NRG2: variants seen among roughly 807,000 people sequenced by gnomAD.
NRG2 encodes the protein pro-neuregulin-2, membrane-bound isoform.
Under a neutral mutation model 73.9 loss-of-function variants are expected in NRG2, and 27 were observed. The ratio of observed to expected loss-of-function variants is 0.37; its 90% CI spans 0.27 to 0.50. The LOEUF (loss-of-function observed/expected upper bound fraction) is 0.50. Ranked by LOEUF, NRG2 falls within the 20% of genes least tolerant of loss-of-function variation. The pLI is 0.96. For synonymous variants in NRG2, 532 were observed against 541.0 expected (o/e 0.98, Z 0.23); for missense variants, 1,126 against 1,210.1 (o/e 0.93, Z 1.03).
In NRG2 at chr5:139,980,540, C is replaced by A. The variant is rs77458747; in HGVS notation, c.700+61830G>T. 1.5e-3 allele frequency among the ~76,000 whole-genome samples: 223 copies of A among 152,262 alleles called. 1 individual carries two copies. In the East Asian group the frequency reaches 0.032, roughly 22 times the overall value. ...AAGACAGACACACCATCCTCATGCC[C>A]ACCATTCCCCTGGCAGATATCCTTG... On this transcript the variant is annotated intron_variant, in intron 1 of 9. Coordinates refer to ENST00000361474, the MANE Select transcript of NRG2 (RefSeq NM_004883.3).
chr5:139,976,058 A>G (rs899133632), intron 1 of NRG2, among the ~76,000 whole-genome samples: 2 of 152,170 alleles, frequency 1.3e-5, no homozygotes, highest in African/African-American at 4.8e-5. Context: ...TCCTTATGTT[A>G]TAGATGTTGA....
chr5:139,989,970 A>T (rs1757472831), intron 1 of NRG2, among the ~76,000 whole-genome samples: 2 of 151,002 alleles, frequency 1.3e-5, no homozygotes, highest in African/African-American at 4.9e-5. Flanking sequence ...TTGTATTTTT[A>T]GTAGAGACGG....
chr5:139,958,726 G>A (rs953463881), intron 1 of NRG2, among the ~76,000 whole-genome samples: 6 of 152,154 alleles, frequency 3.9e-5, no homozygotes, highest in African/African-American at 1.4e-4. Context: ...AATGGCCGGC[G>A]ACCTTGCTTA....
At chr5:139,958,544 G>C (rs1754810716) in intron 1 of NRG2, among the ~76,000 whole-genome samples, 1 of 152,088 alleles carries the variant, frequency 6.6e-6, no homozygotes, top group Non-Finnish European at 1.5e-5. Context: ...GATATTTTTT[G>C]TGGGTGTTTG....
In NRG2 at chr5:139,852,338, T is replaced by G. The variant is rs1581766706; in HGVS notation, c.1544+94A>C. On this transcript the variant is annotated intron_variant, in intron 8 of 9. Transcript: ENST00000361474. This position sits in a 1 kb window ranked among gnomAD's most constrained non-coding sequence, Gnocchi z 4.4. ...TTCCTGTGGCAAGCTCAGGGGAGGG[T>G]ATTGAATAGCTCTGGATGTCGGAGT... 1.4e-6 allele frequency: 2 copies of G among 1,474,692 alleles called. No homozygotes were observed. Among genetic ancestry groups the G allele is most frequent in the East Asian group, 2.3e-5 (1 of 43,130 alleles). The allele number at this position is 1,474,692 out of a possible 1,614,324, so 91.4% of individuals were successfully genotyped here.
Position 140,042,846 on chromosome 5 carries a change from C to A in NRG2, c.224G>T (p.Ser75Ile). The change falls in exon 1 of 10, where the codon AGC becomes ATC. Residue 75 changes from serine to isoleucine, a missense_variant. Ser to Ile is a moderately radical substitution (Grantham distance 142, BLOSUM62 -2). Around this residue, in one of 3 missense-constraint regions of NRG2, gnomAD observed 185 missense variants for 149.0 expected, o/e 1.24. Transcript: ENST00000361474. ...PRPQQQPQPR[S>I]PAARRAAARS... is the part of the protein sequence containing the mutation. ...GGCGGCGGCTCTCCGGGCTGCGGGGCTGCGGGGCTGCGGCTGTTGCTGCGG... is the reference window on the plus strand; with the variant it reads ...GGCGGCGGCTCTCCGGGCTGCGGGGATGCGGGGCTGCGGCTGTTGCTGCGG... 6.7e-7 allele frequency: 1 copy of A among 1,493,506 alleles called. No individual in the cohort carries two copies. Among genetic ancestry groups the A allele is most frequent in the South Asian group, 1.3e-5 (1 of 77,960 alleles). The allele number at this position is 1,493,506 out of a possible 1,614,324, so 92.5% of individuals were successfully genotyped here.
intron 1 of NRG2, among the ~76,000 whole-genome samples, chr5:139,960,598 A>G (rs1754986247): frequency 6.6e-6 from 1 of 152,232 alleles, no homozygotes; most frequent in Non-Finnish European, 1.5e-5. Context: ...TATGACCTGA[A>G]AGTTATTTAA....
intron 1 of NRG2, among the ~76,000 whole-genome samples, chr5:140,032,527 T>A (rs1301125062): frequency 6.6e-6 from 1 of 152,188 alleles, no homozygotes; most frequent in Non-Finnish European, 1.5e-5. Context: ...ATTTGATGAA[T>A]CTTGAAATGT....
intron 1 of NRG2, among the ~76,000 whole-genome samples, chr5:139,893,180 A>T (rs562113541): frequency 6.6e-6 from 1 of 152,242 alleles, no homozygotes; most frequent in African/African-American, 2.4e-5. Flanking sequence ...CATTTTTCTC[A>T]GTCAATATAC....
At chr5:139,978,722 A>G (rs2560714) in intron 1 of NRG2, among the ~76,000 whole-genome samples, 51,780 of 151,728 alleles carry the variant, frequency 0.34, 9,628 homozygotes, top group African/African-American at 0.5. Flanking sequence ...CAATATTGTG[A>G]GACTCTTTTT....
intron 1 of NRG2, among the ~76,000 whole-genome samples, chr5:140,035,829 G>A (rs1761460778): frequency 6.6e-6 from 1 of 152,074 alleles, no homozygotes; most frequent in Non-Finnish European, 1.5e-5. Context: ...CTCAGCACAG[G>A]GCAGGAAACT....
At chr5:139,902,655 T>G (rs1764961811) in intron 1 of NRG2, among the ~76,000 whole-genome samples, 1 of 151,436 alleles carries the variant, frequency 6.6e-6, no homozygotes, top group Admixed American at 6.6e-5. Context: ...ATTGAGAGAG[T>G]GCTCTTACCT....
chr5:139,944,081 G>A (rs973235463), intron 1 of NRG2, among the ~76,000 whole-genome samples: 1 of 151,040 alleles, frequency 6.6e-6, no homozygotes, highest in Non-Finnish European at 1.5e-5. Flanking sequence ...AAATATGTGG[G>A]CAAAAAAAAT....
intron 1 of NRG2, among the ~76,000 whole-genome samples, chr5:139,916,575 C>T (rs1182646179): frequency 1.3e-5 from 2 of 152,200 alleles, no homozygotes; most frequent in Non-Finnish European, 1.5e-5. Flanking sequence ...CATCCCCTGG[C>T]AACCACTGAT....
At chr5:139,876,925 C>CTGTGTG (rs3082489) in intron 3 of NRG2, among the ~76,000 whole-genome samples, 3,514 of 141,972 alleles carry the variant, frequency 0.025, 105 homozygotes, top group African/African-American at 0.072. Context: ...GAATGTGCAT[C>CTGTGTG]TGTGTGTGTG....
At chr5:139,961,685 C>T (rs1755073633) in intron 1 of NRG2, among the ~76,000 whole-genome samples, 1 of 152,170 alleles carries the variant, frequency 6.6e-6, no homozygotes, top group African/African-American at 2.4e-5. Flanking sequence ...CTATGTGTCA[C>T]CAGCTCAGTC....
intron 5 of NRG2, among the ~76,000 whole-genome samples, chr5:139,858,077 CCT>C (rs763974058): frequency 3.9e-5 from 6 of 152,192 alleles, no homozygotes; most frequent in Non-Finnish European, 7.3e-5. Flanking sequence ...ATTTTACTCC[CCT>C]GTTTAGAAAC....
chr5:139,902,740 C>A (rs1764968897), intron 1 of NRG2, among the ~76,000 whole-genome samples: 1 of 152,120 alleles, frequency 6.6e-6, no homozygotes, highest in Non-Finnish European at 1.5e-5. Flanking sequence ...ATGGAGGTGG[C>A]TCACTGAACC....
chr5:139,884,873 C>G (rs1763762177), intron 2 of NRG2, among the ~76,000 whole-genome samples: 1 of 152,076 alleles, frequency 6.6e-6, no homozygotes, highest in South Asian at 2.1e-4. Flanking sequence ...AGGAGGAAGG[C>G]TCGAGGCAGG....
Sources: allele counts gnomAD v4.1 joint callset (sites outside exome capture counted in the v4.1 genomes callset), GRCh38; gene constraint gnomAD v4.1.1; regional missense constraint gnomAD v4.1.1; non-coding constraint Gnocchi (gnomAD v3.1); transcripts MANE v1.5; gene names NCBI Gene and HGNC (gene_info 2026-07-23, HGNC 2026-07-21).